The following VKORC1L1 variants were observed in gnomAD, a reference collection of about 807,000 sequenced individuals.
VKORC1L1 encodes vitamin K epoxide reductase complex subunit 1L1, also known as vitamin K epoxide reductase complex subunit 1-like protein 1.
In VKORC1L1, 2 loss-of-function variants were observed where a neutral mutation model predicts 18.9. The observed-to-expected ratio is 0.11, with a 90% CI of 0.04 to 0.33. VKORC1L1 has a LOEUF of 0.33. Ranked by LOEUF, VKORC1L1 falls within the 10% of genes least tolerant of loss-of-function variation. The pLI is 1.00. For synonymous variants in VKORC1L1, 96 were observed against 100.0 expected (o/e 0.96, Z 0.24); for missense variants, 123 against 224.1 (o/e 0.55, Z 2.88).
At chr7:65,882,440 G>C (rs1788944674) in intron 1 of VKORC1L1, among the ~76,000 whole-genome samples, 1 of 145,102 alleles carries the variant, frequency 6.9e-6, no homozygotes, top group African/African-American at 2.5e-5. Flanking sequence ...AGTGCATTTA[G>C]AATATTTGAG....
At chr7:65,935,868 A>G (rs969996861) in intron 1 of VKORC1L1, among the ~76,000 whole-genome samples, 7 of 152,056 alleles carry the variant, frequency 4.6e-5, no homozygotes, top group African/African-American at 1.2e-4. Context: ...TTGTGCATCA[A>G]TCTCTTTCTT....
At chr7:65,869,359 G>A (rs990932470), upstream of VKORC1L1, among the ~76,000 whole-genome samples, 14 of 151,990 alleles carry the variant, frequency 9.2e-5, no homozygotes, top group African/African-American at 2.4e-5. Flanking sequence ...AAAAGCACAC[G>A]GGATGGCAGA....
intron 1 of VKORC1L1, among the ~76,000 whole-genome samples, chr7:65,928,240 T>C (rs1236966976): frequency 6.6e-6 from 1 of 150,960 alleles, no homozygotes; most frequent in African/African-American, 2.4e-5. Flanking sequence ...TCCCTACCCC[T>C]ACCTTTTTTC....
intron 1 of VKORC1L1, among the ~76,000 whole-genome samples, chr7:65,929,340 A>G (rs56955188): frequency 0.11 from 16,849 of 152,086 alleles, 1,082 homozygotes; most frequent in Middle Eastern, 0.2. Context: ...TGAACCCTGG[A>G]GGCAGAGGTT....
intron 1 of VKORC1L1, among the ~76,000 whole-genome samples, chr7:65,892,706 T>G (rs1323311451): frequency 6.6e-6 from 1 of 152,212 alleles, no homozygotes; most frequent in Non-Finnish European, 1.5e-5. Context: ...ATGAAGATGA[T>G]GATGATGATG....
intron 1 of VKORC1L1, among the ~76,000 whole-genome samples, chr7:65,903,807 TG>T (rs2116399387): frequency 6.6e-6 from 1 of 150,760 alleles, no homozygotes; most frequent in East Asian, 1.9e-4. Context: ...TACTGGAACT[TG>T]TTGCCAGCAG....
intron 1 of VKORC1L1, among the ~76,000 whole-genome samples, chr7:65,925,896 C>T (rs980992637): frequency 3.9e-5 from 6 of 151,954 alleles, no homozygotes; most frequent in African/African-American, 9.7e-5. Flanking sequence ...GGCAGCCAAG[C>T]GTCTTCATTC....
intron 1 of VKORC1L1, among the ~76,000 whole-genome samples, chr7:65,945,732 A>G (rs1040540859): frequency 6.6e-6 from 1 of 152,108 alleles, no homozygotes; most frequent in Non-Finnish European, 1.5e-5. Context: ...ATTTTATTTT[A>G]TTTTGAAACC....
rs140527001 is a variant in VKORC1L1, at chr7:65,934,145, C to T, written c.195-14526C>T. ...GTGTGGTGGCTCATGCCTGTAATCC[C>T]AGCACTTTGGGAGGCTGAGGTGAGA... On this transcript the variant is annotated intron_variant, in intron 1 of 2. Transcript: ENST00000360768. 4.7e-3 allele frequency among the ~76,000 whole-genome samples: 717 copies of T among 152,080 alleles called. 7 individuals are homozygous for T. The highest frequency in any genetic ancestry group is 0.015 in the African/African-American group (632 of 41,466).
intron 1 of VKORC1L1, among the ~76,000 whole-genome samples, chr7:65,895,982 G>A (rs1203141969): frequency 3.0e-5 from 4 of 135,448 alleles, no homozygotes; most frequent in African/African-American, 5.6e-5. Context: ...TGCAACCTCC[G>A]CCTCCCGGGT....
chr7:65,891,399 G>C (rs867205509), intron 1 of VKORC1L1, among the ~76,000 whole-genome samples: 2 of 152,076 alleles, frequency 1.3e-5, no homozygotes, highest in African/African-American at 4.8e-5. Flanking sequence ...CTCCACTTTG[G>C]TTTTAATTTG....
Position 65,891,350 on chromosome 7 carries a change from C to T in VKORC1L1, c.194+17785C>T, listed in dbSNP as rs528658242. Reference sequence around the variant, plus strand: ...GGTGAGTGTTTAACTTTATTAGAAACAACAGAACAGTTTCCCAAAGTGGTT... The same window carrying T: ...GGTGAGTGTTTAACTTTATTAGAAATAACAGAACAGTTTCCCAAAGTGGTT... On this transcript the variant is annotated intron_variant, in intron 1 of 2. Coordinates refer to ENST00000360768, the MANE Select transcript of VKORC1L1 (RefSeq NM_173517.6). Among the ~76,000 whole-genome samples the T allele has an allele frequency of 1.1e-4, 17 of 152,162 alleles. 1 individual carries two copies. The highest frequency in any genetic ancestry group is 3.9e-4 in the African/African-American group (16 of 41,530).
At chr7:65,893,655 A>G (rs1348479603) in intron 1 of VKORC1L1, among the ~76,000 whole-genome samples, 7 of 152,230 alleles carry the variant, frequency 4.6e-5, no homozygotes, top group Non-Finnish European at 1.0e-4. Flanking sequence ...TTCCATCTCA[A>G]AAAAAGTAAA....
intron 1 of VKORC1L1, among the ~76,000 whole-genome samples, chr7:65,948,180 A>T (rs1338389739): frequency 6.6e-6 from 1 of 152,080 alleles, no homozygotes; most frequent in Non-Finnish European, 1.5e-5. Context: ...TGGTAGTCAC[A>T]CCTGGGATGG....
intron 1 of VKORC1L1, among the ~76,000 whole-genome samples, chr7:65,942,912 T>C (rs2115712558): frequency 6.6e-6 from 1 of 152,294 alleles, no homozygotes; most frequent in East Asian, 1.9e-4. Flanking sequence ...TGATTTACTC[T>C]ACAGAATCTT....
At chr7:65,923,010 C>G (rs1202448163) in intron 1 of VKORC1L1, among the ~76,000 whole-genome samples, 2 of 151,996 alleles carry the variant, frequency 1.3e-5, no homozygotes, top group Non-Finnish European at 2.9e-5. Flanking sequence ...CCTATTCTTC[C>G]CCTGTTTTTG....
In VKORC1L1 at chr7:65,890,256, G is replaced by A. The variant is rs192764840; in HGVS notation, c.194+16691G>A. Among the ~76,000 whole-genome samples the A allele has an allele frequency of 2.7e-3, 406 of 150,780 alleles. 2 individuals carry two copies. Among genetic ancestry groups the A allele is most frequent in the African/African-American group, 9.4e-3 (386 of 41,012 alleles). On this transcript the variant is annotated intron_variant, in intron 1 of 2. Transcript: ENST00000360768. ...CACCGTTCTCCTGCCTCAGCCTCCCGAGTAACTGGGACGACAGGCTCCTGC... is the reference window on the plus strand; with the variant it reads ...CACCGTTCTCCTGCCTCAGCCTCCCAAGTAACTGGGACGACAGGCTCCTGC...
At chr7:65,900,663 G>A (rs1789300030) in intron 1 of VKORC1L1, among the ~76,000 whole-genome samples, 2 of 151,892 alleles carry the variant, frequency 1.3e-5, no homozygotes, top group African/African-American at 4.8e-5. Context: ...ATTAGAACTG[G>A]GTGTTGTGGC....
At chr7:65,921,478 T>C (rs1789674435) in intron 1 of VKORC1L1, among the ~76,000 whole-genome samples, 1 of 152,154 alleles carries the variant, frequency 6.6e-6, no homozygotes, top group Non-Finnish European at 1.5e-5. Context: ...CTTGAACTCC[T>C]GGCCTCAAGC....
Sources: allele counts gnomAD v4.1 joint callset (sites outside exome capture counted in the v4.1 genomes callset), GRCh38; gene constraint gnomAD v4.1.1; transcripts MANE v1.5; gene names NCBI Gene and HGNC (gene_info 2026-07-23, HGNC 2026-07-21).